DNAH10: variants seen among roughly 807,000 people sequenced by gnomAD.
DNAH10 encodes the protein dynein axonemal heavy chain 10, also known as axonemal beta dynein heavy chain 10.
DNAH10 carries 348 observed loss-of-function variants against 506.6 expected under a neutral mutation model. The ratio of observed to expected loss-of-function variants is 0.69; its 90% CI spans 0.63 to 0.75. The LOEUF is 0.75. Among genes scored for constraint, DNAH10 ranks in the 30% least tolerant of loss-of-function variants. The pLI, the probability that DNAH10 is intolerant of heterozygous loss-of-function variation, is 0.00. For missense variants in DNAH10, 5,179 were observed against 5,787.1 expected, an observed-to-expected ratio of 0.89 and a Z score of 3.41; for synonymous variants, 2,059 against 2,198.6, an observed-to-expected ratio of 0.94 and a Z score of 1.78.
chr12:123,838,826 T>A, intron 29 of DNAH10, 137 bp downstream of exon 29: 1 of 786,140 alleles, frequency 1.3e-6, no homozygotes, highest in Non-Finnish European at 2.0e-6. Flanking sequence ...TTTGGTTTGT[T>A]TTTTGAGACA....
chr12:123,795,721 G>A (rs1440119609), intron 12 of DNAH10, among the ~76,000 whole-genome samples: 3 of 152,104 alleles, frequency 2.0e-5, no homozygotes, highest in Non-Finnish European at 2.9e-5. Flanking sequence ...ATTAGGACGT[G>A]GACATCTTTG....
rs911050912 is a variant in DNAH10, at chr12:123,846,356, G to C, written c.5814+202G>C. On this transcript the variant is annotated intron_variant, in intron 32 of 78. Coordinates refer to ENST00000673944, the MANE Select transcript of DNAH10 (RefSeq NM_001372106.1). The surrounding 1 kb of genome is among the most constrained non-coding windows in gnomAD (Gnocchi z 4.5). Reference sequence around the variant, plus strand: ...TAAGTGTGGCCGTGCTTAGCCACTGGTACACTGGTCCCTAGGTAATGGTGT... The same window carrying C: ...TAAGTGTGGCCGTGCTTAGCCACTGCTACACTGGTCCCTAGGTAATGGTGT... Among the ~76,000 whole-genome samples, 1 of 152,184 alleles carries C rather than the reference G, an allele frequency of 6.6e-6. No homozygotes were observed. The highest frequency in any genetic ancestry group is 1.5e-5 in the Non-Finnish European group (1 of 68,030).
chr12:123,809,060 T>G lies in DNAH10; in HGVS notation c.3144+107T>G. On this transcript the variant is annotated intron_variant, in intron 19 of 78. Coordinates refer to ENST00000673944, the MANE Select transcript of DNAH10 (RefSeq NM_001372106.1). ...TGAGCCACTGCCCAAGGTGGAATTC[T>G]TGACCTTCTGCCTTGTGACTCAGTC... The G allele has an allele frequency of 2.2e-6, 3 of 1,341,782 alleles. No individual in the cohort carries two copies. In the South Asian group the frequency reaches 4.1e-5, roughly 18 times the overall value. 83.1% of individuals were successfully genotyped at this position (1,341,782 alleles called of 1,614,324 possible). A position where few individuals can be genotyped will look rare whatever the true frequency, so the allele number is the denominator to read the frequency against.
chr12:123,813,214 G>A lies in DNAH10; in HGVS notation c.3195G>A (p.Lys1065=), dbSNP rs955865821. 4 of 1,613,626 alleles carry A rather than the reference G, an allele frequency of 2.5e-6. No individual in the cohort carries two copies. The highest frequency in any genetic ancestry group is 2.7e-5 in the African/African-American group (2 of 74,894). Residue 1065 remains lysine (K), a synonymous_variant, in exon 20 of 79, where the codon AAG becomes AAA. Coordinates refer to ENST00000673944, the MANE Select transcript of DNAH10 (RefSeq NM_001372106.1). ...GCTGCATAGAATGCCCACCTCAGAA[G>A]GGGGAGGAAGAGGAAGTTGTTATAA... ...NGSCIECPPQ[K]GEEEEVVIIN... is the part of the protein sequence containing the mutation.
At chr12:123,767,097 G>A (rs1269926964) in intron 1 of DNAH10, among the ~76,000 whole-genome samples, 5 of 151,704 alleles carry the variant, frequency 3.3e-5, no homozygotes, top group African/African-American at 4.8e-5. Context: ...TAATAGAGAC[G>A]AGGTTTCACC....
intron 11 of DNAH10, among the ~76,000 whole-genome samples, chr12:123,793,292 C>T (rs1344414497): frequency 6.6e-6 from 1 of 151,820 alleles, no homozygotes; most frequent in African/African-American, 2.4e-5. Flanking sequence ...GACTCACTTG[C>T]GCCCCCTATT....
intron 26 of DNAH10, among the ~76,000 whole-genome samples, chr12:123,831,708 C>T (rs544161047): frequency 5.9e-5 from 9 of 152,054 alleles, no homozygotes; most frequent in South Asian, 2.1e-4. Flanking sequence ...CTGGCTAACA[C>T]GGTGAAACCC....
chr12:123,771,515 C>G, intron 2 of DNAH10, 86 bp from the exon 3 acceptor site: 1 of 1,059,306 alleles, frequency 9.4e-7, no homozygotes, highest in Non-Finnish European at 1.4e-6. Context: ...ATGAAATGTA[C>G]TGGTGCACAA....
At chr12:123,912,846 G>A (rs967854781) in intron 59 of DNAH10, among the ~76,000 whole-genome samples, 7 of 152,132 alleles carry the variant, frequency 4.6e-5, no homozygotes, top group African/African-American at 1.7e-4. Context: ...GTCATCTTAC[G>A]GAGACCTCAG....
chr12:123,816,353 G>A (rs113688028), intron 21 of DNAH10, among the ~76,000 whole-genome samples: 1 of 152,152 alleles, frequency 6.6e-6, no homozygotes, highest in Non-Finnish European at 1.5e-5. Flanking sequence ...GGGAAGAGGG[G>A]CTGGAGATTG....
intron 18 of DNAH10, among the ~76,000 whole-genome samples, chr12:123,806,831 A>G (rs1317686038): frequency 3.4e-5 from 5 of 148,480 alleles, no homozygotes; most frequent in Non-Finnish European, 5.9e-5. Flanking sequence ...GCAGTGGCGC[A>G]ATCTTGGCTC....
intron 38 of DNAH10, 150 bp downstream of exon 38, chr12:123,859,418 C>CT (rs1158431613): frequency 3.3e-6 from 2 of 612,210 alleles, no homozygotes; most frequent in African/African-American, 3.9e-5. Context: ...CGTGTTTTTA[C>CT]TGACTTTATT....
intron 2 of DNAH10, among the ~76,000 whole-genome samples, chr12:123,768,289 C>T (rs1214173800): frequency 6.6e-6 from 1 of 152,164 alleles, no homozygotes; most frequent in Non-Finnish European, 1.5e-5. Flanking sequence ...CGCCCACCAC[C>T]ACGCCCAGCT....
chr12:123,814,907 G>A lies in DNAH10; in HGVS notation c.3780+995G>A, dbSNP rs541672470. Among the ~76,000 whole-genome samples the A allele has an allele frequency of 2.4e-4, 37 of 152,238 alleles. No individual in the cohort carries two copies. The South Asian group carries it at 6.8e-3, about 28-fold the overall frequency. On this transcript the variant is annotated intron_variant, in intron 21 of 78. Coordinates refer to ENST00000673944, the MANE Select transcript of DNAH10 (RefSeq NM_001372106.1). ...GCTGGGATTACAGGCATGAGCCACC[G>A]CGCCCGGCCTAGCCAGGTAGATTTT...
intron 4 of DNAH10, among the ~76,000 whole-genome samples, chr12:123,773,798 A>C (rs1957342172): frequency 6.6e-6 from 1 of 152,148 alleles, no homozygotes; most frequent in Admixed American, 6.5e-5. Context: ...CAACATGTGG[A>C]TTTTGGGGTC....
chr12:123,848,714 A>T lies in DNAH10; in HGVS notation c.5950-16A>T, dbSNP rs1479848249. The T allele has an allele frequency of 1.2e-6, 2 of 1,613,736 alleles. No homozygotes were observed. Among genetic ancestry groups the T allele is most frequent in the Admixed American group, 3.3e-5 (2 of 60,006 alleles). On this transcript the variant is annotated splice_polypyrimidine_tract_variant and intron_variant, in intron 33 of 78. Transcript: ENST00000673944. ...AGATGAAAATTGCCCTTGTCCTGAC[A>T]TGTCTTTCTTCCTAGGCCGTGGGGA...
chr12:123,803,593 C>T (rs1055390274), intron 16 of DNAH10, 68 bp from the exon 17 acceptor site: 24 of 1,394,064 alleles, frequency 1.7e-5, no homozygotes, highest in Admixed American at 1.5e-4. Context: ...ACATCACAGA[C>T]GTTGGTGGGG....
chr12:123,817,831 A>G (rs1959173022), intron 21 of DNAH10, among the ~76,000 whole-genome samples: 1 of 152,178 alleles, frequency 6.6e-6, no homozygotes, highest in South Asian at 2.1e-4. Flanking sequence ...CAGACACCAT[A>G]ACTGGGTACA....
intron 34 of DNAH10, among the ~76,000 whole-genome samples, chr12:123,849,590 C>CT (rs572900972): frequency 2.2e-4 from 34 of 152,282 alleles, no homozygotes; most frequent in African/African-American, 7.9e-4. Flanking sequence ...TGCCTCTGTC[C>CT]TCCCCCCTCC....
Sources: allele counts gnomAD v4.1 joint callset (sites outside exome capture counted in the v4.1 genomes callset), GRCh38; gene constraint gnomAD v4.1.1; non-coding constraint Gnocchi (gnomAD v3.1); transcripts MANE v1.5; gene names NCBI Gene and HGNC (gene_info 2026-07-23, HGNC 2026-07-21).